KCNIP4: variants seen among roughly 807,000 people sequenced by gnomAD.
KCNIP4 encodes the protein potassium voltage-gated channel interacting protein 4, also known as Kv channel-interacting protein 4.
KCNIP4 carries 12 observed loss-of-function variants against 34.0 expected under a neutral mutation model. The observed-to-expected ratio is 0.35, with a 90% CI of 0.23 to 0.57. KCNIP4 has a LOEUF of 0.57. Among genes scored for constraint, KCNIP4 ranks in the 20% least tolerant of loss-of-function variants. The probability of loss-of-function intolerance (pLI) is 0.83; values close to 1 mark genes in which losing one functional copy is unlikely to be tolerated. For missense variants in KCNIP4, 238 were observed against 311.7 expected, an observed-to-expected ratio of 0.76 and a Z score of 1.78; for synonymous variants, 124 against 102.2, an observed-to-expected ratio of 1.21 and a Z score of -1.29.
intron 1 of KCNIP4, among the ~76,000 whole-genome samples, chr4:21,456,502 T>C (rs1728967018): frequency 6.7e-6 from 1 of 148,344 alleles, no homozygotes; most frequent in South Asian, 2.1e-4. Context: ...TTTCTTTAAA[T>C]CAACTTATTT....
chr4:21,025,192 G>C (rs1161963432), intron 1 of KCNIP4, among the ~76,000 whole-genome samples: 1 of 152,110 alleles, frequency 6.6e-6, no homozygotes, highest in East Asian at 1.9e-4. Flanking sequence ...TTTATGATTT[G>C]TCATTTAGGG....
intron 2 of KCNIP4, among the ~76,000 whole-genome samples, chr4:20,853,165 G>A (rs7686516): frequency 0.33 from 50,683 of 151,730 alleles, 9,365 homozygotes; most frequent in Admixed American, 0.44. Flanking sequence ...AAAAGAGCCC[G>A]CATGGCCTCA....
intron 1 of KCNIP4, among the ~76,000 whole-genome samples, chr4:20,958,266 C>T (rs1733509133): frequency 6.6e-6 from 1 of 152,174 alleles, no homozygotes; most frequent in African/African-American, 2.4e-5. Flanking sequence ...GTTCCTCTTT[C>T]AGAGAACACA....
intron 1 of KCNIP4, among the ~76,000 whole-genome samples, chr4:21,016,015 A>G (rs1270702543): frequency 6.8e-6 from 1 of 146,740 alleles, no homozygotes; most frequent in Non-Finnish European, 1.5e-5. Flanking sequence ...ATAAATATAT[A>G]TATTTATATA....
chr4:21,079,409 T>G (rs1745806766), intron 1 of KCNIP4, among the ~76,000 whole-genome samples: 1 of 152,134 alleles, frequency 6.6e-6, no homozygotes, highest in South Asian at 2.1e-4. Flanking sequence ...TAGAGAGATT[T>G]AGAGATATTC....
chr4:21,206,385 C>T (rs978032016), intron 1 of KCNIP4, among the ~76,000 whole-genome samples: 1 of 152,166 alleles, frequency 6.6e-6, no homozygotes, highest in African/African-American at 2.4e-5. Context: ...ACAGACTTAT[C>T]TCTGAGACAC....
intron 1 of KCNIP4, among the ~76,000 whole-genome samples, chr4:20,906,084 CCTTTCTTTTCTTT>C (rs1560559256): frequency 7.2e-6 from 1 of 138,558 alleles, no homozygotes; most frequent in Non-Finnish European, 1.6e-5. Flanking sequence ...CTCCTTTCTT[CCTTTCTTTTCTTT>C]CTCTCTTTTT....
In KCNIP4 at chr4:21,482,294, G is replaced by C. The variant is rs564740711; in HGVS notation, c.61+466277C>G. On this transcript the variant is annotated intron_variant, in intron 1 of 8. Transcript: ENST00000382152. ...TGCCAGTCTGTGTCTTTTAATTGGA[G>C]CATTTAGCCCATTTACATTTAAGGT... 8.5e-4 allele frequency among the ~76,000 whole-genome samples: 130 copies of C among 152,260 alleles called. 1 individual carries two copies. The highest frequency in any genetic ancestry group is 3.0e-3 in the African/African-American group (124 of 41,574).
At chr4:21,901,354 C>T (rs1180852964) in intron 1 of KCNIP4, among the ~76,000 whole-genome samples, 1 of 152,226 alleles carries the variant, frequency 6.6e-6, no homozygotes, top group East Asian at 1.9e-4. Context: ...AGCGCACCCT[C>T]TCGTGCTTAC....
intron 1 of KCNIP4, among the ~76,000 whole-genome samples, chr4:21,454,760 GCT>G (rs971616455): frequency 6.6e-5 from 10 of 152,166 alleles, no homozygotes; most frequent in African/African-American, 9.6e-5. Context: ...TTATATTGAT[GCT>G]CTCTTATTTT....
At position 21,477,558 on chromosome 4, in the gene KCNIP4, G is replaced by T. The variant is rs138342371; in HGVS notation, c.61+471013C>A. Among the ~76,000 whole-genome samples the T allele has an allele frequency of 2.3e-3, 346 of 152,250 alleles. 1 individual carries two copies. The highest frequency in any genetic ancestry group is 0.01 in the Middle Eastern group (3 of 294). Reference sequence around the variant, plus strand: ...TAAGCGTATCATGGGGGCAAAATCAGTAGCCTTGCCATGGACAAAGGTGAA... The same window carrying T: ...TAAGCGTATCATGGGGGCAAAATCATTAGCCTTGCCATGGACAAAGGTGAA... On this transcript the variant is annotated intron_variant, in intron 1 of 8. Transcript: ENST00000382152.
chr4:20,928,183 C>G (rs1471684090), intron 1 of KCNIP4, among the ~76,000 whole-genome samples: 1 of 151,400 alleles, frequency 6.6e-6, no homozygotes, highest in Non-Finnish European at 1.5e-5. Flanking sequence ...ATTATATTAT[C>G]CTTATTGGGA....
At chr4:21,706,872 C>T (rs766710922) in intron 1 of KCNIP4, among the ~76,000 whole-genome samples, 7 of 149,550 alleles carry the variant, frequency 4.7e-5, no homozygotes, top group Non-Finnish European at 1.0e-4. Flanking sequence ...CAGAGCAGAG[C>T]CTTGCGGCAA....
At chr4:21,252,189 G>T (rs537629664) in intron 1 of KCNIP4, among the ~76,000 whole-genome samples, 2 of 148,560 alleles carry the variant, frequency 1.3e-5, no homozygotes, top group Non-Finnish European at 1.5e-5. Context: ...GTGCAGTGGC[G>T]CAATCTCGGC....
intron 1 of KCNIP4, among the ~76,000 whole-genome samples, chr4:20,970,041 A>G (rs1734772817): frequency 6.6e-6 from 1 of 151,102 alleles, no homozygotes; most frequent in Non-Finnish European, 1.5e-5. Flanking sequence ...TCCCGGGTTC[A>G]CTCCATTCTC....
intron 1 of KCNIP4, among the ~76,000 whole-genome samples, chr4:20,933,843 TTGGCATTTTATCAAAC>T (rs1730759488): frequency 6.6e-6 from 1 of 152,192 alleles, no homozygotes; most frequent in African/African-American, 2.4e-5. Flanking sequence ...TCAGGGTCTC[TTGGCATTTTATCAAAC>T]TTCCATGTAC....
intron 1 of KCNIP4, among the ~76,000 whole-genome samples, chr4:21,769,993 T>C (rs1032736188): frequency 1.4e-5 from 2 of 143,208 alleles, no homozygotes; most frequent in East Asian, 1.9e-4. Context: ...GTTGTCTTTT[T>C]CTTATTTATT....
intron 1 of KCNIP4, among the ~76,000 whole-genome samples, chr4:21,779,723 C>A (rs1719451521): frequency 6.6e-6 from 1 of 151,950 alleles, no homozygotes; most frequent in Non-Finnish European, 1.5e-5. Context: ...GGTGACACAG[C>A]AAGATCCCAT....
chr4:21,042,335 C>A (rs1742033482), intron 1 of KCNIP4, among the ~76,000 whole-genome samples: 1 of 152,062 alleles, frequency 6.6e-6, no homozygotes, highest in African/African-American at 2.4e-5. Context: ...TCTATATACA[C>A]AATGAAATAT....
Sources: allele counts gnomAD v4.1 joint callset (sites outside exome capture counted in the v4.1 genomes callset), GRCh38; gene constraint gnomAD v4.1.1; transcripts MANE v1.5; gene names NCBI Gene and HGNC (gene_info 2026-07-23, HGNC 2026-07-21).